The following FARS2 variants were observed in gnomAD, a reference collection of about 807,000 sequenced individuals.
FARS2 encodes the protein phenylalanyl-tRNA synthetase 2, mitochondrial.
A neutral mutation model predicts 46.4 loss-of-function variants in FARS2; 40 were observed. That is an observed-to-expected ratio of 0.86 (90% CI 0.67 to 1.12). The LOEUF (loss-of-function observed/expected upper bound fraction) is 1.12. FARS2 is among the 50% of genes most tolerant of loss of function. The pLI, the probability that FARS2 is intolerant of heterozygous loss-of-function variation, is 0.00. For missense variants in FARS2, 513 were observed against 567.9 expected (o/e 0.90, Z 0.98); for synonymous variants, 234 against 214.9 (o/e 1.09, Z -0.78).
intron 4 of FARS2, among the ~76,000 whole-genome samples, chr6:5,536,420 T>A (rs1345933326): frequency 6.6e-6 from 1 of 152,170 alleles, no homozygotes; most frequent in Non-Finnish European, 1.5e-5. Context: ...AATAGGAGTG[T>A]CTGCTGGGAA....
intron 4 of FARS2, among the ~76,000 whole-genome samples, chr6:5,461,514 A>G (rs1765241835): frequency 1.3e-5 from 2 of 152,186 alleles, no homozygotes; most frequent in South Asian, 2.1e-4. Context: ...CCTCATGCCC[A>G]TGTGCAGCCA....
At chr6:5,751,599 A>C (rs1338774325) in intron 6 of FARS2, among the ~76,000 whole-genome samples, 1 of 152,142 alleles carries the variant, frequency 6.6e-6, no homozygotes, top group East Asian at 1.9e-4. Context: ...TTTTGGAGTA[A>C]ATGCTTTTCT....
Position 5,492,205 on chromosome 6 carries a change from A to G in FARS2, c.905-52975A>G, listed in dbSNP as rs184216708. On this transcript the variant is annotated intron_variant, in intron 4 of 6. Transcript: ENST00000274680. ...TAGTTTAAGTTTCAACTACCAAACAACACTTTGAATGGTGAAAACACAGAT... is the reference window on the plus strand; with the variant it reads ...TAGTTTAAGTTTCAACTACCAAACAGCACTTTGAATGGTGAAAACACAGAT... Among the ~76,000 whole-genome samples, 12 of 152,356 alleles carry G rather than the reference A, an allele frequency of 7.9e-5. No individual in the cohort carries two copies. The East Asian group carries it at 2.3e-3, about 29-fold the overall frequency.
In FARS2 at chr6:5,550,769, G is replaced by A. The variant is rs949408312; in HGVS notation, c.1065+5429G>A. Among the ~76,000 whole-genome samples the A allele has an allele frequency of 2.6e-5, 4 of 152,082 alleles. 1 individual carries two copies. Among genetic ancestry groups the A allele is most frequent in the Non-Finnish European group, 5.9e-5 (4 of 68,022 alleles). ...TGTGGCTCTCCCATTTATATCATAGGGATTCATTCCATTACACAAGAGGCT... is the reference window on the plus strand; with the variant it reads ...TGTGGCTCTCCCATTTATATCATAGAGATTCATTCCATTACACAAGAGGCT... On this transcript the variant is annotated intron_variant, in intron 5 of 6. Coordinates refer to ENST00000274680, the MANE Select transcript of FARS2 (RefSeq NM_006567.5).
At chr6:5,732,911 C>T (rs1222119023) in intron 6 of FARS2, among the ~76,000 whole-genome samples, 2 of 152,104 alleles carry the variant, frequency 1.3e-5, no homozygotes, top group Non-Finnish European at 2.9e-5. Flanking sequence ...TCCTTCATGC[C>T]ACATACTGTG....
chr6:5,433,588 G>A (rs1418739187), intron 4 of FARS2, among the ~76,000 whole-genome samples: 1 of 152,208 alleles, frequency 6.6e-6, no homozygotes, highest in Non-Finnish European at 1.5e-5. Context: ...AGGAAAATCA[G>A]CCTAACAGTT....
chr6:5,558,363 G>A (rs922876837), intron 5 of FARS2, among the ~76,000 whole-genome samples: 4 of 152,078 alleles, frequency 2.6e-5, no homozygotes, highest in Non-Finnish European at 5.9e-5. Flanking sequence ...AACTTCATGC[G>A]TTTATACTGG....
chr6:5,740,429 G>T (rs570321844), intron 6 of FARS2, among the ~76,000 whole-genome samples: 4 of 152,004 alleles, frequency 2.6e-5, no homozygotes, highest in African/African-American at 9.6e-5. Flanking sequence ...AAATAGTAGA[G>T]ATTTCTTAAG....
At chr6:5,733,287 T>C (rs973888277) in intron 6 of FARS2, among the ~76,000 whole-genome samples, 1 of 152,062 alleles carries the variant, frequency 6.6e-6, no homozygotes, top group African/African-American at 2.4e-5. Context: ...AAAGCAAAGA[T>C]GAATGGAATA....
intron 6 of FARS2, among the ~76,000 whole-genome samples, chr6:5,650,286 G>T (rs2150757575): frequency 7.3e-6 from 1 of 137,198 alleles, no homozygotes. Context: ...TTTTGAGACA[G>T]AGTCTCAAAA....
chr6:5,587,046 T>C (rs1330497960), intron 5 of FARS2, among the ~76,000 whole-genome samples: 2 of 152,208 alleles, frequency 1.3e-5, no homozygotes, highest in Admixed American at 1.3e-4. Context: ...TTATAAAAAC[T>C]GTAGCAGTAT....
intron 4 of FARS2, among the ~76,000 whole-genome samples, chr6:5,436,574 A>T (rs576156289): frequency 6.6e-6 from 1 of 152,244 alleles, no homozygotes; most frequent in Non-Finnish European, 1.5e-5. Flanking sequence ...GTTAGAACAT[A>T]GTCATGCATA....
chr6:5,285,105 C>A (rs1767014635), intron 1 of FARS2, among the ~76,000 whole-genome samples: 1 of 152,090 alleles, frequency 6.6e-6, no homozygotes, highest in Non-Finnish European at 1.5e-5. Context: ...AGGGGGCAGG[C>A]AACAAATACA....
chr6:5,355,368 C>CTTTTTTTTTTTTTTTTTTTTT (rs200590190), intron 1 of FARS2, among the ~76,000 whole-genome samples: 5 of 142,444 alleles, frequency 3.5e-5, no homozygotes, highest in South Asian at 2.3e-4. Flanking sequence ...TTAGGTTTTC[C>CTTTTTTTTTTTTTTTTTTTTT]TTTTTGTTTT....
chr6:5,690,105 A>T (rs1215029428), intron 6 of FARS2, among the ~76,000 whole-genome samples: 2 of 152,050 alleles, frequency 1.3e-5, no homozygotes, highest in African/African-American at 2.4e-5. Context: ...TGCACGTGAG[A>T]TGGTTTCCTG....
At chr6:5,719,282 C>T (rs1759717117) in intron 6 of FARS2, among the ~76,000 whole-genome samples, 1 of 151,130 alleles carries the variant, frequency 6.6e-6, no homozygotes, top group South Asian at 2.1e-4. Flanking sequence ...ACTTGGGAGG[C>T]TGAGGTGGGA....
intron 1 of FARS2, among the ~76,000 whole-genome samples, chr6:5,347,203 T>C (rs956333152): frequency 5.3e-5 from 8 of 152,224 alleles, no homozygotes; most frequent in African/African-American, 1.9e-4. Flanking sequence ...CGTGAGCCAG[T>C]GTGCCTGGCC....
chr6:5,309,564 A>T (rs1472100662), intron 1 of FARS2, among the ~76,000 whole-genome samples: 4 of 152,204 alleles, frequency 2.6e-5, no homozygotes, highest in Non-Finnish European at 4.4e-5. Flanking sequence ...GTGCCTATAT[A>T]CCTAGTCAAT....
chr6:5,439,605 A>G (rs986115804), intron 4 of FARS2, among the ~76,000 whole-genome samples: 2 of 152,232 alleles, frequency 1.3e-5, no homozygotes, highest in African/African-American at 4.8e-5. Context: ...TGGTGGGCTC[A>G]TGCCCCCATA....
Sources: gnomAD v4.1 joint callset for allele counts (sites outside exome capture counted in the v4.1 genomes callset) on GRCh38, gnomAD v4.1.1 for gene constraint, MANE v1.5 for transcripts, NCBI Gene and HGNC (gene_info 2026-07-23, HGNC 2026-07-21) for gene names.